The following TMEFF1 variants were observed in gnomAD, a reference collection of about 807,000 sequenced individuals.
TMEFF1 encodes transmembrane protein with EGF like and two follistatin like domains 1.
A neutral mutation model predicts 47.5 loss-of-function variants in TMEFF1; 20 were observed. That is an observed-to-expected ratio of 0.42 (90% CI 0.30 to 0.61). The LOEUF (loss-of-function observed/expected upper bound fraction) is 0.61, where lower values mean the gene tolerates loss of function less well. Among genes scored for constraint, TMEFF1 ranks in the 20% least tolerant of loss-of-function variants. The pLI is 0.19. For missense variants in TMEFF1, 411 were observed against 471.1 expected (o/e 0.87, Z 1.18); for synonymous variants, 162 against 166.3 (o/e 0.97, Z 0.20).
chr9:100,528,512 G>T (rs1838310893), intron 5 of TMEFF1, among the ~76,000 whole-genome samples: 1 of 145,518 alleles, frequency 6.9e-6, no homozygotes, highest in African/African-American at 2.6e-5. Flanking sequence ...TGAAATGAAT[G>T]AAATGAAGCG....
At chr9:100,497,217 A>G (rs1395614754) in intron 1 of TMEFF1, among the ~76,000 whole-genome samples, 1 of 151,486 alleles carries the variant, frequency 6.6e-6, no homozygotes, top group East Asian at 2.0e-4. Context: ...CAGGGTGATG[A>G]GGAATGAAAA....
chr9:100,504,809 G>A (rs1334573943), intron 2 of TMEFF1, among the ~76,000 whole-genome samples: 2 of 152,114 alleles, frequency 1.3e-5, no homozygotes, highest in Admixed American at 1.3e-4. Context: ...TTTAAGTTAG[G>A]ACACTTAAAG....
In TMEFF1 at chr9:100,572,603, C is replaced by T; in HGVS notation, c.985C>T (p.His329Tyr). Reference protein sequence around the residue: ...YVVPSRQKLTHVLIAAIIGAV... With the variant: ...YVVPSRQKLTYVLIAAIIGAV... ...AGTGCCAAGTAGGCAAAAGCTCACT[C>T]ATGTTCTTATTGCAGCAATTATTGG... The change falls in exon 9 of 10, where the codon CAT (histidine) becomes TAT (tyrosine). Residue 329 changes from histidine to tyrosine, a missense_variant. By Grantham distance (83) the His-to-Tyr change is moderately conservative (BLOSUM62 2). Transcript: ENST00000374879. 1 of 1,613,570 alleles carries T rather than the reference C, an allele frequency of 6.2e-7. No homozygotes were observed. The highest frequency in any genetic ancestry group is 8.5e-7 in the Non-Finnish European group (1 of 1,179,744).
chr9:100,508,180 A>G (rs1015512336), intron 2 of TMEFF1, among the ~76,000 whole-genome samples: 16 of 152,190 alleles, frequency 1.1e-4, no homozygotes, highest in African/African-American at 3.6e-4. Flanking sequence ...ATTAATTTGT[A>G]TGATCTATTT....
Position 100,473,998 on chromosome 9 carries a change from T to TGGGGCC in TMEFF1, c.196+273_196+278dup, listed in dbSNP as rs576612463. Among the ~76,000 whole-genome samples the TGGGGCC allele has an allele frequency of 2.4e-3, 355 of 148,236 alleles. 2 individuals carry two copies. The highest frequency in any genetic ancestry group is 8.3e-3 in the African/African-American group (331 of 40,020). On this transcript the variant is annotated intron_variant, in intron 1 of 9. Coordinates refer to ENST00000374879, the MANE Select transcript of TMEFF1 (RefSeq NM_003692.5). This position sits in a 1 kb window ranked among gnomAD's most constrained non-coding sequence, Gnocchi z 5.4. ...GGCGGCCCGGCGTGTGGGGAGGCGG[T>TGGGGCC]GGGGCCGGGGCCGGGGCCGGCGAGG...
chr9:100,517,432 G>T (rs1838094424), intron 5 of TMEFF1, among the ~76,000 whole-genome samples: 2 of 151,958 alleles, frequency 1.3e-5, no homozygotes, highest in Admixed American at 1.3e-4. Context: ...CATATTTTTG[G>T]TGTGTATTTT....
intron 2 of TMEFF1, among the ~76,000 whole-genome samples, chr9:100,501,336 A>G (rs1172467343): frequency 6.6e-6 from 1 of 152,186 alleles, no homozygotes; most frequent in Non-Finnish European, 1.5e-5. Context: ...TGGTCCTTTT[A>G]AATTTACAAA....
intron 4 of TMEFF1, among the ~76,000 whole-genome samples, chr9:100,514,701 A>C (rs1052021158): frequency 2.6e-5 from 4 of 151,834 alleles, no homozygotes; most frequent in Non-Finnish European, 5.9e-5. Flanking sequence ...AAAAAAAAAA[A>C]AAAAAACAAA....
chr9:100,534,413 A>G (rs1838465122), intron 5 of TMEFF1, among the ~76,000 whole-genome samples: 1 of 152,084 alleles, frequency 6.6e-6, no homozygotes, highest in Admixed American at 6.5e-5. Context: ...GTGCAGAGTA[A>G]ATGTAGTTAA....
intron 5 of TMEFF1, among the ~76,000 whole-genome samples, chr9:100,534,372 T>C (rs559253647): frequency 3.3e-5 from 5 of 152,036 alleles, no homozygotes; most frequent in African/African-American, 1.2e-4. Flanking sequence ...CAGGGTTAGA[T>C]GAGGCAAATG....
At chr9:100,493,254 A>C (rs904081193) in intron 1 of TMEFF1, among the ~76,000 whole-genome samples, 3 of 152,208 alleles carry the variant, frequency 2.0e-5, no homozygotes, top group African/African-American at 4.8e-5. Flanking sequence ...AATAGTGCCC[A>C]GACTGAGAAA....
intron 5 of TMEFF1, among the ~76,000 whole-genome samples, chr9:100,530,101 G>A (rs927896215): frequency 6.6e-5 from 10 of 151,544 alleles, no homozygotes; most frequent in Non-Finnish European, 1.5e-4. Context: ...GCAGTGTGTA[G>A]AGGGAAATTT....
chr9:100,538,405 T>G (rs916027494), intron 5 of TMEFF1, among the ~76,000 whole-genome samples: 4 of 152,146 alleles, frequency 2.6e-5, no homozygotes, highest in Admixed American at 2.0e-4. Flanking sequence ...TGGGGGGAAT[T>G]CGTTCTGATA....
At position 100,473,566 on chromosome 9, in the gene TMEFF1, G is replaced by C; in HGVS notation, c.22G>C (p.Ala8Pro). 6.5e-7 allele frequency: 1 copy of C among 1,538,732 alleles called. No individual in the cohort carries two copies. Among genetic ancestry groups the C allele is most frequent in the Non-Finnish European group, 8.7e-7 (1 of 1,144,964 alleles). The change falls in exon 1 of 10, where the codon GCG (alanine) becomes CCG (proline). Residue 8 changes from alanine to proline, a missense_variant. Transcript: ENST00000374879. The surrounding 1 kb of genome is among the most constrained non-coding windows in gnomAD (Gnocchi z 5.4). MGAAAAE[A>P]PLRLPAAPPL... ...AGTCATGGGCGCCGCAGCCGCTGAG[G>C]CGCCGCTCCGGCTGCCTGCCGCGCC...
intron 8 of TMEFF1, among the ~76,000 whole-genome samples, chr9:100,567,401 C>T (rs532257766): frequency 2.0e-5 from 3 of 152,328 alleles, no homozygotes; most frequent in Admixed American, 6.5e-5. Context: ...ACCTGGTGTT[C>T]GCAGTTTCCC....
At chr9:100,552,134 T>A (rs1838836118) in intron 7 of TMEFF1, among the ~76,000 whole-genome samples, 1 of 152,124 alleles carries the variant, frequency 6.6e-6, no homozygotes, top group Non-Finnish European at 1.5e-5. Context: ...GGGGCCAGAT[T>A]GTGTAGAGTG....
intron 1 of TMEFF1, among the ~76,000 whole-genome samples, chr9:100,497,184 C>A (rs1837665668): frequency 6.6e-6 from 1 of 152,028 alleles, no homozygotes; most frequent in African/African-American, 2.4e-5. Context: ...TAAGGAGAAC[C>A]AAGGACATAA....
chr9:100,574,763 A>G (rs1215915106), intron 9 of TMEFF1, among the ~76,000 whole-genome samples: 1 of 152,172 alleles, frequency 6.6e-6, no homozygotes, highest in Admixed American at 6.5e-5. Context: ...TGAAGCCCTG[A>G]GATAAGAAGT....
At chr9:100,532,982 G>C (rs1213985142) in intron 5 of TMEFF1, among the ~76,000 whole-genome samples, 1 of 150,826 alleles carries the variant, frequency 6.6e-6, no homozygotes, top group Non-Finnish European at 1.5e-5. Flanking sequence ...GTAAACTATC[G>C]CAAGAACAAA....
Sources: gnomAD v4.1 joint callset for allele counts (sites outside exome capture counted in the v4.1 genomes callset) on GRCh38, gnomAD v4.1.1 for gene constraint, Gnocchi (gnomAD v3.1) non-coding constraint, MANE v1.5 for transcripts, NCBI Gene and HGNC (gene_info 2026-07-23, HGNC 2026-07-21) for gene names.